The following STXBP4 variants were observed in gnomAD, a reference collection of about 807,000 sequenced individuals.
STXBP4 encodes the protein syntaxin-binding protein 4.
Under a neutral mutation model 76.1 loss-of-function variants are expected in STXBP4, and 55 were observed. That is an observed-to-expected ratio of 0.72 (90% CI 0.58 to 0.91). The LOEUF (loss-of-function observed/expected upper bound fraction) is 0.91, where lower values mean the gene tolerates loss of function less well. Among genes scored for constraint, STXBP4 ranks in the 40% least tolerant of loss-of-function variants. The probability of loss-of-function intolerance (pLI) is 0.00; values close to 1 mark genes in which losing one functional copy is unlikely to be tolerated. For missense variants in STXBP4, 618 were observed against 636.9 expected (o/e 0.97, Z 0.32); for synonymous variants, 201 against 220.2 (o/e 0.91, Z 0.77).
chr17:55,025,338 A>G (rs1233668435), intron 8 of STXBP4, among the ~76,000 whole-genome samples: 1 of 152,172 alleles, frequency 6.6e-6, no homozygotes, highest in Non-Finnish European at 1.5e-5. Flanking sequence ...AAAACTAAAC[A>G]GACTATAACA....
rs117290477 is a variant in STXBP4 at position 55,156,509 on chromosome 17, A to G, written c.1548-3288A>G. ...TAATCAGAAATCCCTAATTATCAATAAAACTAGCTATGATTATTTATTGAA... is the reference window on the plus strand; with the variant it reads ...TAATCAGAAATCCCTAATTATCAATGAAACTAGCTATGATTATTTATTGAA... On this transcript the variant is annotated intron_variant, in intron 17 of 17. Transcript: ENST00000376352. Among the ~76,000 whole-genome samples the G allele has an allele frequency of 1.7e-3, 262 of 152,312 alleles. 4 individuals are homozygous for G. The East Asian group carries it at 0.036, about 21-fold the overall frequency.
At chr17:54,995,726 A>G (rs1004529158) in intron 4 of STXBP4, among the ~76,000 whole-genome samples, 3 of 152,204 alleles carry the variant, frequency 2.0e-5, no homozygotes, top group Admixed American at 6.5e-5. Context: ...CTGGATGGCA[A>G]ACTATGAAGA....
intron 7 of STXBP4, 21 bp downstream of exon 7, chr17:55,000,904 T>C: frequency 4.1e-6 from 6 of 1,466,648 alleles, no homozygotes; most frequent in Non-Finnish European, 5.7e-6. Context: ...ATTTAATTTC[T>C]ATTTCCTGTT....
At chr17:55,138,961 T>G (rs1415479608) in intron 16 of STXBP4, among the ~76,000 whole-genome samples, 1 of 152,136 alleles carries the variant, frequency 6.6e-6, no homozygotes, top group African/African-American at 2.4e-5. Context: ...ATAGATTATA[T>G]GAAATCTGCA....
chr17:54,990,059 G>A (rs2077690356), intron 3 of STXBP4, among the ~76,000 whole-genome samples: 1 of 152,132 alleles, frequency 6.6e-6, no homozygotes, highest in South Asian at 2.1e-4. Context: ...ATACATTTTT[G>A]TCCTACTCCA....
At chr17:54,994,092 C>T (rs993929035) in intron 4 of STXBP4, among the ~76,000 whole-genome samples, 12 of 152,118 alleles carry the variant, frequency 7.9e-5, no homozygotes, top group African/African-American at 2.7e-4. Flanking sequence ...TCAGTTCAAG[C>T]AGAACCAAGA....
chr17:55,125,268 A>G (rs555950869), intron 16 of STXBP4, among the ~76,000 whole-genome samples: 11 of 152,182 alleles, frequency 7.2e-5, no homozygotes, highest in South Asian at 6.2e-4. Context: ...TTAGATTACT[A>G]TGTTTTCCTC....
chr17:55,118,961 A>T lies in STXBP4; in HGVS notation c.1490-22349A>T, dbSNP rs1042450588. ...ACTGATTTATATATATATATATATA[A>T]ATATTTTATTATACTTTAAGTTCTA... On this transcript the variant is annotated intron_variant, in intron 16 of 17. Coordinates refer to ENST00000376352, the MANE Select transcript of STXBP4 (RefSeq NM_178509.6). Among the ~76,000 whole-genome samples, 222 of 147,664 alleles carry T rather than the reference A, an allele frequency of 1.5e-3. 1 individual carries two copies. The highest frequency in any genetic ancestry group is 4.8e-3 in the African/African-American group (194 of 40,158).
intron 16 of STXBP4, among the ~76,000 whole-genome samples, chr17:55,090,841 GTGTGTGTGTGTGTC>G (rs1283820347): frequency 1.1e-5 from 1 of 89,728 alleles, no homozygotes; most frequent in Non-Finnish European, 2.1e-5. Flanking sequence ...TAAATTGTGT[GTGTGTGTGTGTGTC>G]TGTGTGTGTG....
At chr17:54,983,765 C>A (rs1357049569) in intron 1 of STXBP4, among the ~76,000 whole-genome samples, 1 of 152,176 alleles carries the variant, frequency 6.6e-6, no homozygotes, top group Admixed American at 6.5e-5. Context: ...TGAGAATCTG[C>A]TCCATGCGTG....
chr17:55,087,672 T>C (rs938487393), intron 16 of STXBP4, among the ~76,000 whole-genome samples: 3 of 152,180 alleles, frequency 2.0e-5, no homozygotes, highest in Admixed American at 2.0e-4. Flanking sequence ...AGTCTGGTAG[T>C]GTGATGTTTC....
intron 11 of STXBP4, among the ~76,000 whole-genome samples, chr17:55,046,786 A>G (rs1276438373): frequency 6.6e-6 from 1 of 151,924 alleles, no homozygotes; most frequent in Admixed American, 6.6e-5. Flanking sequence ...TTTGGCAATG[A>G]TAGCTTAACC....
rs1315379630 is a variant in STXBP4 at position 55,036,889 on chromosome 17, T to A, written c.855+2630T>A. Among the ~76,000 whole-genome samples the A allele has an allele frequency of 2.0e-5, 3 of 152,120 alleles. No individual in the cohort carries two copies. In the East Asian group the frequency reaches 5.8e-4, roughly 29 times the overall value. On this transcript the variant is annotated intron_variant, in intron 10 of 17. Coordinates refer to ENST00000376352, the MANE Select transcript of STXBP4 (RefSeq NM_178509.6). ...TATTATTAATTACATGATTTCAAAT[T>A]CCAGAAACACAGAGTATATAAATAT...
chr17:54,985,262 A>T (rs1238358904), intron 1 of STXBP4, among the ~76,000 whole-genome samples: 2 of 152,184 alleles, frequency 1.3e-5, no homozygotes, highest in East Asian at 3.9e-4. Flanking sequence ...TTCAAATGAG[A>T]ACCCAGGCCT....
At chr17:55,196,319 G>A in the STXBP4 span, among the ~76,000 whole-genome samples, 8 of 152,138 alleles carry the variant, frequency 5.3e-5, no homozygotes, top group African/African-American at 1.7e-4. Flanking sequence ...TGCCTAGCAC[G>A]TACCATTCCC....
intron 16 of STXBP4, among the ~76,000 whole-genome samples, chr17:55,096,313 G>A (rs994205469): frequency 3.9e-5 from 6 of 151,996 alleles, no homozygotes; most frequent in African/African-American, 9.7e-5. Context: ...ACACCACCAC[G>A]CCTAGCTAAT....
chr17:55,151,642 AGT>A (rs1437198552), intron 17 of STXBP4, among the ~76,000 whole-genome samples: 6 of 152,170 alleles, frequency 3.9e-5, no homozygotes, highest in Non-Finnish European at 8.8e-5. Flanking sequence ...TAAAAATTCC[AGT>A]GTGGTAAAAT....
intron 4 of STXBP4, among the ~76,000 whole-genome samples, chr17:54,992,680 C>T (rs1012391736): frequency 6.7e-6 from 1 of 149,994 alleles, no homozygotes; most frequent in Non-Finnish European, 1.5e-5. Flanking sequence ...ATCAGGGTAC[C>T]CAACAAGTGA....
chr17:55,108,825 G>A (rs2079672134), intron 16 of STXBP4, among the ~76,000 whole-genome samples: 2 of 152,130 alleles, frequency 1.3e-5, no homozygotes, highest in Non-Finnish European at 2.9e-5. Flanking sequence ...ATCTCGCTGG[G>A]AGCTGCAGAC....
Sources: gnomAD v4.1 joint callset for allele counts (sites outside exome capture counted in the v4.1 genomes callset) on GRCh38, gnomAD v4.1.1 for gene constraint, MANE v1.5 for transcripts, NCBI Gene and HGNC (gene_info 2026-07-23, HGNC 2026-07-21) for gene names.